The following LRRTM3 variants were observed in gnomAD, a reference collection of about 807,000 sequenced individuals.
The protein encoded by LRRTM3 is leucine rich repeat transmembrane neuronal 3.
A neutral mutation model predicts 44.7 loss-of-function variants in LRRTM3; 24 were observed. The observed-to-expected ratio is 0.54, with a 90% CI of 0.39 to 0.76. The LOEUF is 0.76. Ranked by LOEUF, LRRTM3 falls within the 30% of genes least tolerant of loss-of-function variation. The pLI, the probability that LRRTM3 is intolerant of heterozygous loss-of-function variation, is 0.00. For synonymous variants in LRRTM3, 277 were observed against 278.7 expected, an observed-to-expected ratio of 0.99 and a Z score of 0.06; for missense variants, 587 against 702.2, an observed-to-expected ratio of 0.84 and a Z score of 1.85.
chr10:67,025,760 C>A (rs1024505344), intron 2 of LRRTM3, among the ~76,000 whole-genome samples: 1 of 151,996 alleles, frequency 6.6e-6, no homozygotes, highest in African/African-American at 2.4e-5. Flanking sequence ...AACATATGTT[C>A]TTAATTTTTA....
intron 2 of LRRTM3, among the ~76,000 whole-genome samples, chr10:66,986,166 C>T (rs1850718312): frequency 6.6e-6 from 1 of 152,132 alleles, no homozygotes. Context: ...AAACCAGTGC[C>T]TGTATACTTT....
intron 2 of LRRTM3, among the ~76,000 whole-genome samples, chr10:67,046,755 T>A (rs950904438): frequency 6.6e-6 from 1 of 152,166 alleles, no homozygotes; most frequent in Non-Finnish European, 1.5e-5. Context: ...AATCTAGTTC[T>A]GAATAAATAA....
Position 66,982,695 on chromosome 10 carries a change from A to T in LRRTM3, c.1536+54243A>T, listed in dbSNP as rs138717249. ...GAGATCAATGAATAGATAAGGTCAG[A>T]TGGCAAAAGATAAGCTAAGTAATAA... On this transcript the variant is annotated intron_variant, in intron 2 of 2. Coordinates refer to ENST00000361320, the MANE Select transcript of LRRTM3 (RefSeq NM_178011.5). Among the ~76,000 whole-genome samples, 78 of 152,364 alleles carry T rather than the reference A, an allele frequency of 5.1e-4. No individual in the cohort carries two copies. In the East Asian group the frequency reaches 0.015, roughly 29 times the overall value.
intron 2 of LRRTM3, among the ~76,000 whole-genome samples, chr10:66,974,417 T>C (rs568557010): frequency 6.6e-6 from 1 of 152,318 alleles, no homozygotes; most frequent in South Asian, 2.1e-4. Context: ...TTGATGGACA[T>C]TTAGGTTGCC....
At chr10:66,968,613 A>G (rs763062707) in intron 2 of LRRTM3, among the ~76,000 whole-genome samples, 3 of 152,124 alleles carry the variant, frequency 2.0e-5, no homozygotes, top group Non-Finnish European at 2.9e-5. Context: ...TAACAGAGAA[A>G]AGACACTCAA....
chr10:66,928,586 C>A, intron 2 of LRRTM3, 134 bp downstream of exon 2: 1 of 772,614 alleles, frequency 1.3e-6, no homozygotes. Context: ...CTGGCAAGAT[C>A]CTTCCTTGTC....
At chr10:66,991,260 T>G (rs985107591) in intron 2 of LRRTM3, among the ~76,000 whole-genome samples, 7 of 152,174 alleles carry the variant, frequency 4.6e-5, no homozygotes, top group African/African-American at 1.7e-4. Context: ...GGAAGTTATT[T>G]AAATGATCTG....
At chr10:66,981,966 T>C (rs1236581929) in intron 2 of LRRTM3, among the ~76,000 whole-genome samples, 1 of 152,186 alleles carries the variant, frequency 6.6e-6, no homozygotes, top group Non-Finnish European at 1.5e-5. Context: ...CAGCTGTCTG[T>C]CGATTTTTCT....
chr10:66,956,846 C>T (rs1342739480), intron 2 of LRRTM3, among the ~76,000 whole-genome samples: 1 of 152,188 alleles, frequency 6.6e-6, no homozygotes, highest in Non-Finnish European at 1.5e-5. Flanking sequence ...TTAATCCTAA[C>T]CCTTAGGAGA....
intron 2 of LRRTM3, among the ~76,000 whole-genome samples, chr10:67,028,436 C>T (rs1263571382): frequency 6.6e-6 from 1 of 151,586 alleles, no homozygotes; most frequent in Non-Finnish European, 1.5e-5. Flanking sequence ...GTTTGACAAT[C>T]AGTCTTTATT....
At chr10:67,036,524 C>A (rs992722268) in intron 2 of LRRTM3, among the ~76,000 whole-genome samples, 1 of 152,054 alleles carries the variant, frequency 6.6e-6, no homozygotes, top group African/African-American at 2.4e-5. Context: ...CTTAGCCGGG[C>A]GTGGTGGCAG....
At chr10:66,945,283 T>G (rs532747336) in intron 2 of LRRTM3, among the ~76,000 whole-genome samples, 1 of 152,360 alleles carries the variant, frequency 6.6e-6, no homozygotes, top group Non-Finnish European at 1.5e-5. Context: ...TTGTTGCAGC[T>G]TTTACATCAT....
At position 67,006,064 on chromosome 10, in the gene LRRTM3, C is replaced by T. The variant is rs111607502; in HGVS notation, c.1536+77612C>T. On this transcript the variant is annotated intron_variant, in intron 2 of 2. Transcript: ENST00000361320. ...ATTATTCCATTATTACAGTAATTAT[C>T]TACCACCTGTTGAACAGTACAGTGC... Among the ~76,000 whole-genome samples, 858 of 152,138 alleles carry T rather than the reference C, an allele frequency of 5.6e-3. 4 individuals carry two copies. The highest frequency in any genetic ancestry group is 0.02 in the African/African-American group (830 of 41,522).
At chr10:67,048,557 C>T (rs1854890026) in intron 2 of LRRTM3, among the ~76,000 whole-genome samples, 1 of 151,958 alleles carries the variant, frequency 6.6e-6, no homozygotes, top group Non-Finnish European at 1.5e-5. Flanking sequence ...ATCAAAATAC[C>T]TTAAGGACTA....
At chr10:67,034,369 T>C (rs1443709246) in intron 2 of LRRTM3, among the ~76,000 whole-genome samples, 1 of 152,206 alleles carries the variant, frequency 6.6e-6, no homozygotes, top group Non-Finnish European at 1.5e-5. Flanking sequence ...GAGGATACAA[T>C]GCCCAATAAA....
chr10:66,959,143 C>T (rs756068549), intron 2 of LRRTM3, among the ~76,000 whole-genome samples: 10 of 152,174 alleles, frequency 6.6e-5, no homozygotes, highest in East Asian at 5.8e-4. Flanking sequence ...CTCAGACTCA[C>T]GGCAAAAGCT....
chr10:67,047,727 TATTAC>T (rs920635071), intron 2 of LRRTM3, among the ~76,000 whole-genome samples: 3 of 152,220 alleles, frequency 2.0e-5, no homozygotes, highest in African/African-American at 7.2e-5. Flanking sequence ...GTGTAAAAGC[TATTAC>T]ATTAAATTAA....
At chr10:67,019,592 A>G (rs1298387514) in intron 2 of LRRTM3, among the ~76,000 whole-genome samples, 1 of 152,244 alleles carries the variant, frequency 6.6e-6, no homozygotes, top group Non-Finnish European at 1.5e-5. Flanking sequence ...TAAATAAGAA[A>G]TATGGAGTAC....
chr10:66,975,069 G>A (rs1046038511), intron 2 of LRRTM3, among the ~76,000 whole-genome samples: 43 of 152,056 alleles, frequency 2.8e-4, no homozygotes, highest in Admixed American at 2.2e-3. Context: ...ATTAAGACTC[G>A]CCATTTTGTA....
Sources: gnomAD v4.1 joint callset for allele counts (sites outside exome capture counted in the v4.1 genomes callset) on GRCh38, gnomAD v4.1.1 for gene constraint, MANE v1.5 for transcripts, NCBI Gene and HGNC (gene_info 2026-07-23, HGNC 2026-07-21) for gene names.